CPED1: variants seen among roughly 807,000 people sequenced by gnomAD.
CPED1 encodes the protein cadherin-like and PC-esterase domain-containing protein 1.
In CPED1, 114 loss-of-function variants were observed where a neutral mutation model predicts 128.2. That is an observed-to-expected ratio of 0.89 (90% CI 0.76 to 1.04). The LOEUF (loss-of-function observed/expected upper bound fraction) is 1.04, where lower values mean the gene tolerates loss of function less well. Ranked by LOEUF, CPED1 falls within the 50% of genes least tolerant of loss-of-function variation. CPED1 has a pLI of 0.00. For missense variants in CPED1, 1,211 were observed against 1,207.1 expected (o/e 1.00, Z -0.05); for synonymous variants, 462 against 426.7 (o/e 1.08, Z -1.02).
At chr7:121,202,622 C>G (rs1022195400) in intron 16 of CPED1, among the ~76,000 whole-genome samples, 1 of 152,088 alleles carries the variant, frequency 6.6e-6, no homozygotes, top group Non-Finnish European at 1.5e-5. Flanking sequence ...AGTTGACCCT[C>G]CCAGTAAATG....
intron 2 of CPED1, among the ~76,000 whole-genome samples, chr7:120,992,926 T>G (rs1382025519): frequency 6.6e-6 from 1 of 152,176 alleles, no homozygotes; most frequent in Non-Finnish European, 1.5e-5. Flanking sequence ...AAAGCTGTTT[T>G]CAATATGGAT....
At chr7:121,161,880 A>C (rs1221737009) in intron 16 of CPED1, among the ~76,000 whole-genome samples, 2 of 152,068 alleles carry the variant, frequency 1.3e-5, no homozygotes, top group African/African-American at 2.4e-5. Flanking sequence ...GCAGTTATTC[A>C]AAAAAAATAA....
Position 121,136,104 on chromosome 7 carries a change from A to T in CPED1, c.1699+14A>T. 1 of 1,554,398 alleles carries T rather than the reference A, an allele frequency of 6.4e-7. No individual in the cohort carries two copies. ...ATTGCAGTGATGGTGAGTTGAGATT[A>T]AAGTGTTGTAGCAGCATAATAAACA... On this transcript the variant is annotated intron_variant, in intron 14 of 22. Coordinates refer to ENST00000310396, the MANE Select transcript of CPED1 (RefSeq NM_024913.5).
intron 5 of CPED1, among the ~76,000 whole-genome samples, chr7:121,096,929 C>T (rs1584508909): frequency 1.3e-5 from 2 of 152,004 alleles, no homozygotes; most frequent in African/African-American, 4.8e-5. Flanking sequence ...ATATTAATTA[C>T]ATCAACTTTT....
intron 7 of CPED1, among the ~76,000 whole-genome samples, chr7:121,123,389 A>G (rs889060843): frequency 2.0e-5 from 3 of 152,182 alleles, no homozygotes; most frequent in Non-Finnish European, 4.4e-5. Flanking sequence ...AATCCTGTGT[A>G]GTCTGGATAG....
At chr7:121,043,358 C>T (rs894701706) in intron 3 of CPED1, among the ~76,000 whole-genome samples, 3 of 152,104 alleles carry the variant, frequency 2.0e-5, no homozygotes, top group African/African-American at 4.8e-5. Context: ...ATGTAACCAA[C>T]AAAATGTCCT....
At chr7:121,267,135 G>T in intron 20 of CPED1, 80 bp from the exon 21 acceptor site, 2 of 758,874 alleles carry the variant, frequency 2.6e-6, no homozygotes, top group South Asian at 3.7e-5. Context: ...AGAATTCTAT[G>T]GTATTTGTTT....
At chr7:121,290,984 G>T (rs999439838) in intron 22 of CPED1, among the ~76,000 whole-genome samples, 2 of 152,182 alleles carry the variant, frequency 1.3e-5, no homozygotes, top group Non-Finnish European at 2.9e-5. Context: ...CTTGTATAAG[G>T]TGTAAGGAAG....
At chr7:121,100,644 A>G (rs1030130516) in intron 7 of CPED1, among the ~76,000 whole-genome samples, 2 of 152,186 alleles carry the variant, frequency 1.3e-5, no homozygotes, top group Non-Finnish European at 2.9e-5. Flanking sequence ...AAGTTATAAA[A>G]GGTAGCTCAG....
intron 5 of CPED1, among the ~76,000 whole-genome samples, chr7:121,089,848 A>G (rs1052514684): frequency 7.2e-5 from 11 of 152,188 alleles, no homozygotes; most frequent in Non-Finnish European, 4.4e-5. Flanking sequence ...TTGTTGCAGT[A>G]GTCAAGCATT....
chr7:121,236,663 T>C (rs1191315913), intron 16 of CPED1, 51 bp from the exon 17 acceptor site: 1 of 1,115,628 alleles, frequency 9.0e-7, no homozygotes, highest in South Asian at 1.6e-5. Flanking sequence ...ATTTTATTAT[T>C]ATGGGTCAAG....
At chr7:121,079,664 GTT>G (rs1794231788) in intron 5 of CPED1, among the ~76,000 whole-genome samples, 1 of 152,246 alleles carries the variant, frequency 6.6e-6, no homozygotes, top group Non-Finnish European at 1.5e-5. Context: ...ACATTTGGCA[GTT>G]TGCTGACATC....
At chr7:121,131,492 G>GTTTTTTTTTTTTTTTTTTTATTT (rs35424690) in intron 12 of CPED1, among the ~76,000 whole-genome samples, 1 of 134,132 alleles carries the variant, frequency 7.5e-6, no homozygotes, top group South Asian at 2.5e-4. Flanking sequence ...CTGTTTCAAA[G>GTTTTTTTTTTTTTTTTTTTATTT]TTTTTTTTTT....
At chr7:121,061,842 A>G (rs2116041090) in intron 4 of CPED1, among the ~76,000 whole-genome samples, 1 of 152,334 alleles carries the variant, frequency 6.6e-6, no homozygotes, top group South Asian at 2.1e-4. Flanking sequence ...TGTGTAATAT[A>G]GTTGAGTTAC....
chr7:121,156,685 T>C (rs1367124257), intron 16 of CPED1, among the ~76,000 whole-genome samples: 1 of 137,992 alleles, frequency 7.2e-6, no homozygotes, highest in Non-Finnish European at 1.6e-5. Context: ...AAGCCAGAAA[T>C]GATAGAAGGA....
At chr7:121,074,321 T>C (rs1486085885) in intron 5 of CPED1, among the ~76,000 whole-genome samples, 3 of 152,088 alleles carry the variant, frequency 2.0e-5, no homozygotes, top group Non-Finnish European at 4.4e-5. Flanking sequence ...CCAGGCCTTG[T>C]TGTATAGCCA....
chr7:121,226,146 A>ATCT (rs1798005092), intron 16 of CPED1, among the ~76,000 whole-genome samples: 1 of 152,000 alleles, frequency 6.6e-6, no homozygotes. Context: ...GATGTTGGTA[A>ATCT]TCTACAGATG....
At chr7:121,026,827 CT>C (rs71170219) in intron 3 of CPED1, among the ~76,000 whole-genome samples, 898 of 83,422 alleles carry the variant, frequency 0.011, 5 homozygotes, top group African/African-American at 0.038. Context: ...CCTGTCAGTT[CT>C]TTTTTTTTTT....
chr7:120,989,546 T>A lies in CPED1; in HGVS notation c.-76T>A. The stretch of plus-strand genomic sequence containing the variant: ...GGGGAAAAAGAAGACAGATTAGTAT[T>A]TTTCATGCTGACAAAAAATAGCTGC... On this transcript the variant is annotated 5_prime_UTR_variant, in exon 2 of 23. Transcript: ENST00000310396. 6.4e-7 allele frequency: 1 copy of A among 1,562,216 alleles called. No homozygotes were observed. Among genetic ancestry groups the A allele is most frequent in the Non-Finnish European group, 8.7e-7 (1 of 1,151,304 alleles).
Sources: gnomAD v4.1 joint callset for allele counts (sites outside exome capture counted in the v4.1 genomes callset) on GRCh38, gnomAD v4.1.1 for gene constraint, MANE v1.5 for transcripts, NCBI Gene and HGNC (gene_info 2026-07-23, HGNC 2026-07-21) for gene names.